The following GSR variants were observed in gnomAD, a reference collection of about 807,000 sequenced individuals.
GSR encodes glutathione reductase, mitochondrial.
A neutral mutation model predicts 56.5 loss-of-function variants in GSR; 48 were observed. The observed-to-expected ratio is 0.85, with a 90% CI of 0.67 to 1.08. GSR has a LOEUF of 1.08. Ranked by LOEUF, GSR falls within the 50% of genes least tolerant of loss-of-function variation. The pLI is 0.00. For missense variants in GSR, 694 were observed against 703.3 expected (o/e 0.99, Z 0.15); for synonymous variants, 264 against 270.8 (o/e 0.97, Z 0.25).
At chr8:30,701,049 A>G (rs1377685577) in intron 5 of GSR, among the ~76,000 whole-genome samples, 1 of 152,082 alleles carries the variant, frequency 6.6e-6, no homozygotes, top group Non-Finnish European at 1.5e-5. Flanking sequence ...CTTCCAACCC[A>G]TATCTCTCTC....
At chr8:30,718,188 G>A (rs1321823795) in intron 1 of GSR, among the ~76,000 whole-genome samples, 1 of 152,210 alleles carries the variant, frequency 6.6e-6, no homozygotes, top group African/African-American at 2.4e-5. Context: ...ATACCCCACT[G>A]CTGGTCCGTG....
rs540984528 is a variant in GSR at position 30,694,544 on chromosome 8, T to G, written c.796-1489A>C. 1.8e-4 allele frequency among the ~76,000 whole-genome samples: 28 copies of G among 152,154 alleles called. No homozygotes were observed. In the East Asian group the frequency reaches 5.0e-3, roughly 27 times the overall value. ...GCCCAGGTTGGTCTTGAACTCCACCTGCTACTTGGGAGGCTGAGGCAGGAG... is the reference window on the plus strand; with the variant it reads ...GCCCAGGTTGGTCTTGAACTCCACCGGCTACTTGGGAGGCTGAGGCAGGAG... On this transcript the variant is annotated intron_variant, in intron 7 of 12. Transcript: ENST00000221130.
chr8:30,688,609 C>CAAAAA (rs1292688010), intron 9 of GSR, among the ~76,000 whole-genome samples: 4 of 103,602 alleles, frequency 3.9e-5, no homozygotes, highest in Non-Finnish European at 8.2e-5. Context: ...GGAAAGAAAA[C>CAAAAA]AAAAAAGAAA....
intron 5 of GSR, 58 bp from the exon 6 acceptor site, chr8:30,700,193 T>G: frequency 8.2e-7 from 1 of 1,226,590 alleles, no homozygotes; most frequent in Admixed American, 1.7e-5. Flanking sequence ...TGCAAAGTAA[T>G]CACAACATTT....
At chr8:30,696,513 T>C (rs779437569) in intron 6 of GSR, 34 bp from the exon 7 acceptor site, 6 of 1,383,826 alleles carry the variant, frequency 4.3e-6, no homozygotes, top group Non-Finnish European at 6.2e-6. Flanking sequence ...TATTCTTAAA[T>C]AAACTAATTT....
intron 3 of GSR, among the ~76,000 whole-genome samples, chr8:30,708,958 CAAAAA>C (rs769951825): frequency 1.8e-5 from 1 of 56,670 alleles, no homozygotes; most frequent in East Asian, 5.6e-4. Context: ...GACTCCGTCT[CAAAAA>C]AAAAAAAAAA....
At chr8:30,720,004 G>C (rs562463219) in intron 1 of GSR, among the ~76,000 whole-genome samples, 1 of 152,238 alleles carries the variant, frequency 6.6e-6, no homozygotes, top group African/African-American at 2.4e-5. Context: ...GAGCCCACGA[G>C]TTAGAGACCG....
chr8:30,685,945 C>T (rs149587948), intron 9 of GSR, among the ~76,000 whole-genome samples: 15 of 132,284 alleles, frequency 1.1e-4, no homozygotes, highest in Non-Finnish European at 1.8e-4. Flanking sequence ...TGAGATGGCA[C>T]CACTGACTCC....
intron 1 of GSR, among the ~76,000 whole-genome samples, chr8:30,724,416 T>A (rs1804655575): frequency 6.6e-6 from 1 of 152,020 alleles, no homozygotes; most frequent in Non-Finnish European, 1.5e-5. Context: ...GCTTCTCATC[T>A]CTTATTTCTA....
intron 10 of GSR, among the ~76,000 whole-genome samples, chr8:30,682,294 C>T: frequency 6.6e-6 from 1 of 152,146 alleles, no homozygotes; most frequent in East Asian, 1.9e-4. Flanking sequence ...GGTTGAGCAT[C>T]CCTAATCCAG....
intron 6 of GSR, among the ~76,000 whole-genome samples, chr8:30,699,396 G>T (rs1164189803): frequency 1.3e-5 from 2 of 151,810 alleles, no homozygotes; most frequent in Non-Finnish European, 2.9e-5. Context: ...ATCACCTGAG[G>T]TCAGGAGTTT....
intron 1 of GSR, among the ~76,000 whole-genome samples, chr8:30,717,614 G>C (rs1017721617): frequency 6.6e-6 from 1 of 152,090 alleles, no homozygotes; most frequent in Non-Finnish European, 1.5e-5. Flanking sequence ...TGCATGCAAG[G>C]GATGTAGGTT....
rs55702917 is a variant in GSR, at chr8:30,700,723, CAAAAAAAAA to C, written c.641-597_641-589del. 1.9e-3 allele frequency among the ~76,000 whole-genome samples: 153 copies of C among 80,056 alleles called. 2 individuals carry two copies. Among genetic ancestry groups the C allele is most frequent in the South Asian group, 7.2e-3 (14 of 1,948 alleles). 52.5% of individuals were successfully genotyped at this position (80,056 alleles called of 152,430 possible). On this transcript the variant is annotated intron_variant, in intron 5 of 12. Coordinates refer to ENST00000221130, the MANE Select transcript of GSR (RefSeq NM_000637.5). ...TGGGAACAGAGCAAGATTTTGTCTCCAAAAAAAAAAAAAAAAAAAAAAAAAAATCGACGT... is the reference window on the plus strand; with the variant it reads ...TGGGAACAGAGCAAGATTTTGTCTCCAAAAAAAAAAAAAAAAAATCGACGT...
chr8:30,721,919 G>A (rs1804552374), intron 1 of GSR, among the ~76,000 whole-genome samples: 1 of 151,632 alleles, frequency 6.6e-6, no homozygotes, highest in South Asian at 2.1e-4. Flanking sequence ...CAGGAGGCTG[G>A]GCAGGAGAAT....
chr8:30,679,115 C>G lies in GSR; in HGVS notation c.*405G>C. The G allele has an allele frequency of 5.4e-6, 1 of 183,908 alleles. No homozygotes were observed. Among genetic ancestry groups the G allele is most frequent in the South Asian group, 8.8e-5 (1 of 11,358 alleles). The allele number at this position is 183,908 out of a possible 1,614,324, so 11.4% of individuals were successfully genotyped here. ...GGTGAGCTGAAATAGCACCACCGCA[C>G]TCCAGCCTGGGCAATGAGAGCAAAA... On this transcript the variant is annotated 3_prime_UTR_variant, in exon 13 of 13. Coordinates refer to ENST00000221130, the MANE Select transcript of GSR (RefSeq NM_000637.5).
intron 1 of GSR, among the ~76,000 whole-genome samples, chr8:30,721,914 G>A (rs1804552011): frequency 6.6e-6 from 1 of 151,900 alleles, no homozygotes; most frequent in South Asian, 2.1e-4. Context: ...CTACTCAGGA[G>A]GCTGGGCAGG....
At chr8:30,695,242 G>T (rs1357331853) in intron 7 of GSR, among the ~76,000 whole-genome samples, 1 of 151,878 alleles carries the variant, frequency 6.6e-6, no homozygotes, top group African/African-American at 2.4e-5. Context: ...GTTTTGTTTT[G>T]TTTTTTGTTT....
chr8:30,686,288 T>C (rs1803157852), intron 9 of GSR, among the ~76,000 whole-genome samples: 1 of 152,080 alleles, frequency 6.6e-6, no homozygotes, highest in South Asian at 2.1e-4. Context: ...TAGTAACATG[T>C]TGACAAGACC....
chr8:30,680,471 T>G (rs1802912480), intron 12 of GSR, among the ~76,000 whole-genome samples: 1 of 137,014 alleles, frequency 7.3e-6, no homozygotes, highest in Non-Finnish European at 1.5e-5. Context: ...CTTGGCTCAC[T>G]GCAACCTCCG....
Sources: gnomAD v4.1 joint callset for allele counts (sites outside exome capture counted in the v4.1 genomes callset) on GRCh38, gnomAD v4.1.1 for gene constraint, MANE v1.5 for transcripts, NCBI Gene and HGNC (gene_info 2026-07-23, HGNC 2026-07-21) for gene names.